Variants in TMOD3 observed in about 807,000 individuals in gnomAD.
The protein encoded by TMOD3 is tropomodulin 3, also known as tropomodulin-3.
A neutral mutation model predicts 39.2 loss-of-function variants in TMOD3; 20 were observed. The observed-to-expected ratio is 0.51, with a 90% CI of 0.36 to 0.74. The LOEUF is 0.74. TMOD3 is among the 30% of genes least tolerant of loss of function. The pLI, the probability that TMOD3 is intolerant of heterozygous loss-of-function variation, is 0.00. For synonymous variants in TMOD3, 143 were observed against 145.8 expected (o/e 0.98, Z 0.14); for missense variants, 381 against 412.8 (o/e 0.92, Z 0.67).
At chr15:51,836,299 C>G (rs563521238) in intron 1 of TMOD3, among the ~76,000 whole-genome samples, 1 of 152,230 alleles carries the variant, frequency 6.6e-6, no homozygotes, top group African/African-American at 2.4e-5. Flanking sequence ...CTAATTCCTC[C>G]CAATTCCCCC....
chr15:51,911,727 G>A lies in TMOD3; in HGVS notation c.*2917G>A, dbSNP rs1427727404. 6.6e-6 allele frequency: 1 copy of A among 152,042 alleles called. No homozygotes were observed. The highest frequency in any genetic ancestry group is 1.9e-4 in the East Asian group (1 of 5,196). The allele number at this position is 152,042 out of a possible 1,614,324, so 9.4% of individuals were successfully genotyped here. ...ACTCATATTTGTCTGAATTTTTCCA[G>A]TATTCCTACATGAAATTGTATGTAT... On this transcript the variant is annotated 3_prime_UTR_variant, in exon 10 of 10. Transcript: ENST00000308580.
chr15:51,895,139 C>T (rs1010290810), intron 6 of TMOD3, among the ~76,000 whole-genome samples: 1 of 151,984 alleles, frequency 6.6e-6, no homozygotes, highest in Non-Finnish European at 1.5e-5. Context: ...CTTCTGTGCT[C>T]CTCTAGGGAG....
intron 1 of TMOD3, chr15:51,859,811 C>G: frequency 2.0e-6 from 1 of 511,922 alleles, no homozygotes; most frequent in Non-Finnish European, 4.0e-6. Context: ...ACTGCCACCT[C>G]TAGAGCTTTC....
chr15:51,871,071 T>C (rs1416496318), intron 3 of TMOD3, among the ~76,000 whole-genome samples: 2 of 152,122 alleles, frequency 1.3e-5, no homozygotes, highest in Non-Finnish European at 2.9e-5. Context: ...AAAACCTTCA[T>C]GAAAACGTTT....
At chr15:51,898,358 G>C (rs148512992) in intron 7 of TMOD3, among the ~76,000 whole-genome samples, 1 of 152,084 alleles carries the variant, frequency 6.6e-6, no homozygotes, top group African/African-American at 2.4e-5. Flanking sequence ...TTTCCTGACC[G>C]TGCTATATAA....
chr15:51,885,413 T>C (rs2056555730), intron 3 of TMOD3, among the ~76,000 whole-genome samples: 1 of 151,744 alleles, frequency 6.6e-6, no homozygotes, highest in African/African-American at 2.4e-5. Flanking sequence ...GGGTCTCTGG[T>C]TTTCCTAGGC....
intron 1 of TMOD3, among the ~76,000 whole-genome samples, chr15:51,831,950 A>G (rs1451550933): frequency 1.3e-5 from 2 of 152,044 alleles, no homozygotes; most frequent in African/African-American, 2.4e-5. Flanking sequence ...TGGGAGGCCA[A>G]GGTAGGAGGA....
intron 3 of TMOD3, among the ~76,000 whole-genome samples, chr15:51,875,685 G>A (rs761934200): frequency 2.1e-5 from 3 of 145,538 alleles, no homozygotes; most frequent in East Asian, 2.0e-4. Context: ...GCGCGATCTC[G>A]GTTCACTGCA....
chr15:51,903,150 A>AC (rs1243651066), intron 9 of TMOD3, among the ~76,000 whole-genome samples: 8 of 152,160 alleles, frequency 5.3e-5, no homozygotes, highest in African/African-American at 1.9e-4. Flanking sequence ...CTGTTGTGGA[A>AC]CTGTCTTCTC....
chr15:51,843,114 TGAGAG>T, intron 1 of TMOD3, among the ~76,000 whole-genome samples: 1 of 152,254 alleles, frequency 6.6e-6, no homozygotes, highest in East Asian at 1.9e-4. Context: ...CTGCTGATCT[TGAGAG>T]GAGGAAAAAG....
Position 51,915,576 on chromosome 15 carries a change from A to T in TMOD3, c.*6766A>T, listed in dbSNP as rs929694926. 2 of 152,232 alleles carry T rather than the reference A, an allele frequency of 1.3e-5. No individual in the cohort carries two copies. The highest frequency in any genetic ancestry group is 1.9e-4 in the East Asian group (1 of 5,202). 9.4% of individuals were successfully genotyped at this position (152,232 alleles called of 1,614,324 possible). The stretch of plus-strand genomic sequence containing the variant: ...ATAAGTATAAAAGCAATGAATTTTA[A>T]CACTGGTATTTAAATAATACAAAAT... On this transcript the variant is annotated 3_prime_UTR_variant, in exon 10 of 10. Coordinates refer to ENST00000308580, the MANE Select transcript of TMOD3 (RefSeq NM_014547.5).
At chr15:51,839,099 G>A (rs1299286698) in intron 1 of TMOD3, among the ~76,000 whole-genome samples, 2 of 150,140 alleles carry the variant, frequency 1.3e-5, no homozygotes, top group Non-Finnish European at 3.0e-5. Flanking sequence ...AAGTGACCAT[G>A]CCTTCTCTTT....
intron 8 of TMOD3, 151 bp downstream of exon 8, chr15:51,900,449 A>G (rs1185854381): frequency 1.3e-6 from 1 of 783,084 alleles, no homozygotes; most frequent in Non-Finnish European, 2.0e-6. Context: ...TGGGGTATCT[A>G]GAATATTAAC....
chr15:51,853,790 TAAAAA>T (rs74342679), intron 1 of TMOD3, among the ~76,000 whole-genome samples: 5 of 126,542 alleles, frequency 4.0e-5, no homozygotes, highest in African/African-American at 1.2e-4. Flanking sequence ...CACTGTCTCT[TAAAAA>T]AAAAAAAAAA....
chr15:51,836,333 G>A (rs539777794), intron 1 of TMOD3, among the ~76,000 whole-genome samples: 1 of 151,908 alleles, frequency 6.6e-6, no homozygotes. Context: ...CCCAGCCCTA[G>A]GCAACCACTA....
At chr15:51,870,691 CCT>C (rs1214954691) in intron 3 of TMOD3, among the ~76,000 whole-genome samples, 2 of 152,168 alleles carry the variant, frequency 1.3e-5, no homozygotes, top group African/African-American at 4.8e-5. Flanking sequence ...CACCCCAGCC[CCT>C]GTGCTTTTTC....
chr15:51,837,424 CTT>C (rs75918501), intron 1 of TMOD3, among the ~76,000 whole-genome samples: 1 of 142,078 alleles, frequency 7.0e-6, no homozygotes. Context: ...GGGAACTATT[CTT>C]TTTTTTTTTT....
intron 1 of TMOD3, among the ~76,000 whole-genome samples, chr15:51,849,485 TG>T (rs1210333111): frequency 2.6e-5 from 4 of 152,074 alleles, no homozygotes; most frequent in Admixed American, 1.3e-4. Flanking sequence ...AACTAAGTAC[TG>T]GGGGCACTCC....
At chr15:51,864,752 A>G (rs900752029) in intron 2 of TMOD3, among the ~76,000 whole-genome samples, 2 of 152,144 alleles carry the variant, frequency 1.3e-5, no homozygotes, top group Admixed American at 1.3e-4. Context: ...ACTAGTCTCT[A>G]GTTGTCCAGT....
Sources: allele counts gnomAD v4.1 joint callset (sites outside exome capture counted in the v4.1 genomes callset), GRCh38; gene constraint gnomAD v4.1.1; transcripts MANE v1.5; gene names NCBI Gene and HGNC (gene_info 2026-07-23, HGNC 2026-07-21).